The following KIR2DL1 variants were observed in gnomAD, a reference collection of about 807,000 sequenced individuals.
KIR2DL1 encodes the protein killer cell immunoglobulin-like receptor 2DL1.
Under a neutral mutation model 33.9 loss-of-function variants are expected in KIR2DL1, and 38 were observed. The observed-to-expected ratio is 1.12, with a 90% CI of 0.86 to 1.47. KIR2DL1 has a LOEUF of 1.47. KIR2DL1 is among the 40% of genes most tolerant of loss of function. KIR2DL1 has a pLI of 0.00. For missense variants in KIR2DL1, 531 were observed against 433.9 expected (o/e 1.22, Z -1.99); for synonymous variants, 179 against 165.9 (o/e 1.08, Z -0.61).
chr19:54,778,795 C>T lies in KIR2DL1; in HGVS notation c.715+133C>T. 3.4e-6 allele frequency: 4 copies of T among 1,161,942 alleles called. No individual in the cohort carries two copies. In the South Asian group the frequency reaches 3.9e-5, roughly 11 times the overall value. 72.0% of individuals were successfully genotyped at this position (1,161,942 alleles called of 1,614,324 possible). A position where few individuals can be genotyped will look rare whatever the true frequency, so the allele number is the denominator to read the frequency against. On this transcript the variant is annotated intron_variant, in intron 5 of 7. Transcript: ENST00000336077. ...TTCCACCATCTCCGAACTCCAGATA[C>T]TCCTACAGCGAAAGGGATCTGGGCC...
chr19:54,775,568 C>T, intron 4 of KIR2DL1, 110 bp downstream of exon 4: 1 of 1,340,634 alleles, frequency 7.5e-7, no homozygotes, highest in Non-Finnish European at 1.0e-6. Flanking sequence ...GAAGACGCAG[C>T]CTCGGTGTGA....
chr19:54,769,908 G>T lies in KIR2DL1; in HGVS notation c.34+24G>T, dbSNP rs558425217. 2.6e-6 allele frequency: 4 copies of T among 1,560,814 alleles called. No homozygotes were observed. The East Asian group carries it at 6.7e-5, about 26-fold the overall frequency. On this transcript the variant is annotated intron_variant, in intron 1 of 7. Transcript: ENST00000336077. ...TGGTGAGTCCTGGAAAGCAATAGAG[G>T]GAGGGAGTGAGGGGATGGAGATCTG...
chr19:54,784,168 C>T lies in KIR2DL1; in HGVS notation c.*355C>T, dbSNP rs1419247158. The T allele has an allele frequency of 2.6e-4, 118 of 460,544 alleles. 2 individuals carry two copies. Among genetic ancestry groups the T allele is most frequent in the African/African-American group, 2.1e-3 (110 of 51,190 alleles). The allele number at this position is 460,544 out of a possible 1,614,324, so 28.5% of individuals were successfully genotyped here. On this transcript the variant is annotated 3_prime_UTR_variant, in exon 8 of 8. Coordinates refer to ENST00000336077, the MANE Select transcript of KIR2DL1 (RefSeq NM_014218.3). ...AAACATACAAGAGGCTCCCTCTTAA[C>T]GCAGCACTTAGACACGTGTTGTTCC...
chr19:54,777,327 G>A (rs1448248272), intron 4 of KIR2DL1, among the ~76,000 whole-genome samples: 1 of 148,230 alleles, frequency 6.7e-6, no homozygotes, highest in Non-Finnish European at 1.5e-5. Flanking sequence ...CCAACCTTAT[G>A]AGATTCACCC....
intron 6 of KIR2DL1, among the ~76,000 whole-genome samples, 186 bp from the exon 7 acceptor site, chr19:54,783,300 G>C (rs879027433): frequency 1.3e-5 from 2 of 151,884 alleles, no homozygotes; most frequent in African/African-American, 2.4e-5. Flanking sequence ...GAATCAATGG[G>C]ATGGGAACTC....
At position 54,781,483 on chromosome 19, in the gene KIR2DL1, C is replaced by G. The variant is rs545775940; in HGVS notation, c.716-1439C>G. Among the ~76,000 whole-genome samples, 286 of 150,854 alleles carry G rather than the reference C, an allele frequency of 1.9e-3. 2 individuals are homozygous for G. Among genetic ancestry groups the G allele is most frequent in the African/African-American group, 6.6e-3 (271 of 41,300 alleles). On this transcript the variant is annotated intron_variant, in intron 5 of 7. Transcript: ENST00000336077. ...CCACCTCACCCCTACTTCCAATCAC[C>G]TGTGGAGATTCAGATAGACCATGGG...
chr19:54,775,586 A>C, intron 4 of KIR2DL1, 128 bp downstream of exon 4: 1 of 1,272,320 alleles, frequency 7.9e-7, no homozygotes, highest in Non-Finnish European at 1.1e-6. Flanking sequence ...TGAGGGAGGG[A>C]TCAGGGCACA....
At chr19:54,779,998 A>C (rs1203969153) in intron 5 of KIR2DL1, 1 of 383,976 alleles carries the variant, frequency 2.6e-6, no homozygotes, top group Admixed American at 4.5e-5. Flanking sequence ...TCCTGGATTC[A>C]AGTGATTCTC....
intron 5 of KIR2DL1, among the ~76,000 whole-genome samples, chr19:54,781,758 T>G (rs1313146086): frequency 6.6e-6 from 1 of 152,128 alleles, no homozygotes; most frequent in African/African-American, 2.4e-5. Flanking sequence ...CCGTTTGACA[T>G]AAGAGAATTC....
chr19:54,780,178 A>G, intron 5 of KIR2DL1: 1 of 510,366 alleles, frequency 2.0e-6, no homozygotes, highest in Non-Finnish European at 3.4e-6. Context: ...TAATGGGACT[A>G]CAGGCGTGAG....
At chr19:54,775,727 T>C (rs1344508228) in intron 4 of KIR2DL1, among the ~76,000 whole-genome samples, 2 of 148,650 alleles carry the variant, frequency 1.3e-5, no homozygotes, top group African/African-American at 4.9e-5. Context: ...TGGGCTCAGT[T>C]TGGGGAGATC....
In KIR2DL1 at chr19:54,784,016, A is replaced by G. The variant is rs1159296576; in HGVS notation, c.*203A>G. The G allele has an allele frequency of 9.9e-4, 829 of 834,618 alleles. No homozygotes were observed. In the African/African-American group the frequency reaches 0.011, roughly 11 times the overall value. The allele number at this position is 834,618 out of a possible 1,614,324, so 51.7% of individuals were successfully genotyped here. Reference sequence around the variant, plus strand: ...TAAGGTCCCCACTGCCTGCTGGAGAAAAAACACACTCCTTTGCTTAACCCA... The same window carrying G: ...TAAGGTCCCCACTGCCTGCTGGAGAGAAAACACACTCCTTTGCTTAACCCA... On this transcript the variant is annotated 3_prime_UTR_variant, in exon 8 of 8. Coordinates refer to ENST00000336077, the MANE Select transcript of KIR2DL1 (RefSeq NM_014218.3).
At chr19:54,776,240 T>TAC (rs147847411) in intron 4 of KIR2DL1, among the ~76,000 whole-genome samples, 10,370 of 111,308 alleles carry the variant, frequency 0.093, 26 homozygotes, top group South Asian at 0.18. Context: ...TACATTTTTA[T>TAC]ATATATATAT....
intron 5 of KIR2DL1, among the ~76,000 whole-genome samples, chr19:54,781,376 G>A (rs574212323): frequency 9.3e-5 from 14 of 150,258 alleles, no homozygotes; most frequent in East Asian, 5.8e-4. Flanking sequence ...GTGAAAGCCC[G>A]CTGAATCCTC....
rs747012848 is a variant in KIR2DL1 at position 54,769,895 on chromosome 19, GA to G, written c.34+14del. 5 of 1,566,416 alleles carry G rather than the reference GA, an allele frequency of 3.2e-6. No individual in the cohort carries two copies. In the Admixed American group the frequency reaches 8.6e-5, roughly 27 times the overall value. ...GCATGGCGTGTGTTGGTGAGTCCTG[GA>G]AAGCAATAGAGGGAGGGAGTGAGGG... On this transcript the variant is annotated intron_variant, in intron 1 of 7. Coordinates refer to ENST00000336077, the MANE Select transcript of KIR2DL1 (RefSeq NM_014218.3).
In KIR2DL1 at chr19:54,780,474, C is replaced by T. The variant is rs970570245; in HGVS notation, c.715+1812C>T. 1.4e-5 allele frequency among the ~76,000 whole-genome samples: 2 copies of T among 141,854 alleles called. 1 individual carries two copies. The highest frequency in any genetic ancestry group is 3.1e-5 in the Non-Finnish European group (2 of 64,452). 93.1% of individuals were successfully genotyped at this position (141,854 alleles called of 152,430 possible). ...AGAGAGACGGAGAGCACACTGGGTA[C>T]ACAGGAAACTAAGGAGCAACAAGGA... On this transcript the variant is annotated intron_variant, in intron 5 of 7. Transcript: ENST00000336077.
At chr19:54,771,587 A>C (rs946352626) in intron 2 of KIR2DL1, among the ~76,000 whole-genome samples, 1 of 147,358 alleles carries the variant, frequency 6.8e-6, no homozygotes, top group African/African-American at 2.5e-5. Context: ...CCTCCTCTCT[A>C]AGGCGGTGCC....
At chr19:54,776,143 G>A (rs1203490070) in intron 4 of KIR2DL1, among the ~76,000 whole-genome samples, 2 of 144,168 alleles carry the variant, frequency 1.4e-5, no homozygotes, top group Admixed American at 7.0e-5. Flanking sequence ...ACCCGCATCA[G>A]CCTCCCAAAG....
At position 54,772,816 on chromosome 19, in the gene KIR2DL1, G is replaced by A. The variant is rs1226950155; in HGVS notation, c.71-517G>A. ...ACCAGGCTCCATCCACATAGGGAGG[G>A]GTTGATACTCCTCCAACCAGCACCA... On this transcript the variant is annotated intron_variant, in intron 2 of 7. Transcript: ENST00000336077. Among the ~76,000 whole-genome samples, 12 of 144,952 alleles carry A rather than the reference G, an allele frequency of 8.3e-5. 1 individual carries two copies. The highest frequency in any genetic ancestry group is 6.6e-4 in the South Asian group (3 of 4,550).
Sources: gnomAD v4.1 joint callset for allele counts (sites outside exome capture counted in the v4.1 genomes callset) on GRCh38, gnomAD v4.1.1 for gene constraint, MANE v1.5 for transcripts, NCBI Gene and HGNC (gene_info 2026-07-23, HGNC 2026-07-21) for gene names.